The following MPP7 variants were observed in gnomAD, a reference collection of about 807,000 sequenced individuals.
MPP7 encodes MAGUK p55 subfamily member 7.
MPP7 carries 60 observed loss-of-function variants against 76.5 expected under a neutral mutation model. The observed-to-expected ratio is 0.78, with a 90% CI of 0.64 to 0.97. MPP7 has a LOEUF of 0.97. MPP7 is among the 50% of genes least tolerant of loss of function. The pLI is 0.00. For synonymous variants in MPP7, 237 were observed against 244.5 expected, an observed-to-expected ratio of 0.97 and a Z score of 0.29; for missense variants, 641 against 694.0, an observed-to-expected ratio of 0.92 and a Z score of 0.86.
At position 28,149,252 on chromosome 10, in the gene MPP7, G is replaced by A. The variant is rs138411772; in HGVS notation, c.234+730C>T. Reference sequence around the variant, plus strand: ...ATATTAAAAGCAACAAATAAGCTACGGGTTATCACTAAAACCAGCCTTCGC... The same window carrying A: ...ATATTAAAAGCAACAAATAAGCTACAGGTTATCACTAAAACCAGCCTTCGC... On this transcript the variant is annotated intron_variant, in intron 4 of 16. Coordinates refer to ENST00000683449, the MANE Select transcript of MPP7 (RefSeq NM_001318170.2). Among the ~76,000 whole-genome samples, 1,156 of 152,164 alleles carry A rather than the reference G, an allele frequency of 7.6e-3. 17 individuals are homozygous for A. The highest frequency in any genetic ancestry group is 0.026 in the African/African-American group (1,092 of 41,540).
intron 2 of MPP7, among the ~76,000 whole-genome samples, chr10:28,228,551 A>T (rs1440587614): frequency 6.6e-6 from 1 of 152,170 alleles, no homozygotes; most frequent in Non-Finnish European, 1.5e-5. Flanking sequence ...AAATCACCTG[A>T]GGTCAGGAGT....
At position 28,275,659 on chromosome 10, in the gene MPP7, G is replaced by A. The variant is rs529802375; in HGVS notation, c.-132+27202C>T. 3.5e-3 allele frequency among the ~76,000 whole-genome samples: 530 copies of A among 151,874 alleles called. 3 individuals are homozygous for A. Among genetic ancestry groups the A allele is most frequent in the African/African-American group, 0.012 (516 of 41,396 alleles). Reference sequence around the variant, plus strand: ...TGACCTCAAGGGATCCACCTGCCTCGGCCTCCCAAAATGCTGGGAGTACAG... The same window carrying A: ...TGACCTCAAGGGATCCACCTGCCTCAGCCTCCCAAAATGCTGGGAGTACAG... On this transcript the variant is annotated intron_variant, in intron 1 of 16. Coordinates refer to ENST00000683449, the MANE Select transcript of MPP7 (RefSeq NM_001318170.2).
intron 3 of MPP7, among the ~76,000 whole-genome samples, chr10:28,156,307 ACCT>A (rs1245453624): frequency 6.6e-6 from 1 of 152,216 alleles, no homozygotes; most frequent in Admixed American, 6.5e-5. Context: ...AATAGAAAAC[ACCT>A]AATAAACAGT....
chr10:28,281,162 C>A (rs944562667), intron 1 of MPP7, among the ~76,000 whole-genome samples: 1 of 151,970 alleles, frequency 6.6e-6, no homozygotes, highest in African/African-American at 2.4e-5. Flanking sequence ...TCACTGCAAC[C>A]TCTGCCTCCC....
intron 2 of MPP7, among the ~76,000 whole-genome samples, chr10:28,223,562 T>C (rs1410701705): frequency 6.6e-6 from 1 of 152,162 alleles, no homozygotes; most frequent in Non-Finnish European, 1.5e-5. Flanking sequence ...CCACTGTCAT[T>C]TGCTTATTGC....
At chr10:28,104,524 T>G (rs1951935) in intron 11 of MPP7, among the ~76,000 whole-genome samples, 1 of 151,964 alleles carries the variant, frequency 6.6e-6, no homozygotes, top group Non-Finnish European at 1.5e-5. Flanking sequence ...GGGGGAAAAA[T>G]AGAATTCCAC....
At position 28,204,082 on chromosome 10, in the gene MPP7, G is replaced by A. The variant is rs981633863; in HGVS notation, c.38-1811C>T. ...AAAGTCTACACTTAGAGCATTTCAC[G>A]TAACTTAACTGAGCCTTATTTCCCT... On this transcript the variant is annotated intron_variant, in intron 2 of 16. Coordinates refer to ENST00000683449, the MANE Select transcript of MPP7 (RefSeq NM_001318170.2). Among the ~76,000 whole-genome samples, 6 of 152,248 alleles carry A rather than the reference G, an allele frequency of 3.9e-5. No individual in the cohort carries two copies. The South Asian group carries it at 6.2e-4, about 16-fold the overall frequency.
At chr10:28,095,555 G>A (rs1853530026) in intron 11 of MPP7, among the ~76,000 whole-genome samples, 1 of 152,128 alleles carries the variant, frequency 6.6e-6, no homozygotes, top group Non-Finnish European at 1.5e-5. Flanking sequence ...CTAAGCTTAA[G>A]GGAGAGTAAT....
intron 12 of MPP7, among the ~76,000 whole-genome samples, chr10:28,087,238 G>A (rs570094098): frequency 2.0e-5 from 3 of 152,134 alleles, no homozygotes; most frequent in East Asian, 3.9e-4. Flanking sequence ...GATTCCCTTC[G>A]CCTTCCACAA....
intron 12 of MPP7, among the ~76,000 whole-genome samples, chr10:28,071,593 A>T (rs918178035): frequency 3.9e-5 from 6 of 152,228 alleles, no homozygotes; most frequent in Non-Finnish European, 5.9e-5. Flanking sequence ...ACTTATCGAC[A>T]TAATTCTCCC....
chr10:28,143,807 C>A (rs1237497053), intron 5 of MPP7, among the ~76,000 whole-genome samples: 1 of 140,658 alleles, frequency 7.1e-6, no homozygotes, highest in Admixed American at 7.0e-5. Flanking sequence ...ATCCCCCGTG[C>A]TTCCTTCCAC....
Position 28,180,115 on chromosome 10 carries a change from G to A in MPP7, c.156+22038C>T, listed in dbSNP as rs138277017. On this transcript the variant is annotated intron_variant, in intron 3 of 16. Coordinates refer to ENST00000683449, the MANE Select transcript of MPP7 (RefSeq NM_001318170.2). ...AAAGTTTTTTATCAGAAGGGAGGGG[G>A]TGTATTATACTTTGATATTGATAGC... Among the ~76,000 whole-genome samples, 674 of 152,290 alleles carry A rather than the reference G, an allele frequency of 4.4e-3. 3 individuals are homozygous for A. The highest frequency in any genetic ancestry group is 0.015 in the African/African-American group (607 of 41,570).
chr10:28,175,987 G>C (rs926664263), intron 3 of MPP7, among the ~76,000 whole-genome samples: 10 of 152,204 alleles, frequency 6.6e-5, no homozygotes, highest in African/African-American at 2.4e-4. Context: ...CCAAAAATTA[G>C]GAAGAGAAGG....
intron 1 of MPP7, among the ~76,000 whole-genome samples, chr10:28,282,843 T>C (rs1329147764): frequency 1.3e-5 from 2 of 151,814 alleles, no homozygotes; most frequent in African/African-American, 4.9e-5. Context: ...AACAACAACA[T>C]AGTGAATTAA....
intron 2 of MPP7, among the ~76,000 whole-genome samples, chr10:28,234,270 T>C (rs1004405935): frequency 1.3e-5 from 2 of 152,074 alleles, no homozygotes; most frequent in Non-Finnish European, 2.9e-5. Flanking sequence ...CTGGAACAAT[T>C]TGAGCAACAA....
intron 11 of MPP7, among the ~76,000 whole-genome samples, chr10:28,115,429 C>T (rs925096305): frequency 6.6e-6 from 1 of 152,020 alleles, no homozygotes; most frequent in Non-Finnish European, 1.5e-5. Flanking sequence ...TAAAACCCCA[C>T]GTGTTTCTGT....
At chr10:28,322,287 G>A (rs1247392334) in intron 2 of MPP7, among the ~76,000 whole-genome samples, 2 of 151,998 alleles carry the variant, frequency 1.3e-5, no homozygotes, top group African/African-American at 4.8e-5. Context: ...GATGTCTTGC[G>A]GTTCCTGCTC....
At chr10:28,160,392 G>T (rs1836219565) in intron 3 of MPP7, among the ~76,000 whole-genome samples, 1 of 152,162 alleles carries the variant, frequency 6.6e-6, no homozygotes, top group South Asian at 2.1e-4. Context: ...TGAAGAACAT[G>T]ACAACTCACT....
intron 3 of MPP7, among the ~76,000 whole-genome samples, chr10:28,190,743 T>C (rs1477469608): frequency 2.0e-5 from 3 of 151,996 alleles, no homozygotes; most frequent in East Asian, 3.9e-4. Context: ...TTTCCAACCT[T>C]TGGAAACCAG....
Sources: gnomAD v4.1 joint callset for allele counts (sites outside exome capture counted in the v4.1 genomes callset) on GRCh38, gnomAD v4.1.1 for gene constraint, MANE v1.5 for transcripts, NCBI Gene and HGNC (gene_info 2026-07-23, HGNC 2026-07-21) for gene names.